COPZ1: variants seen among roughly 807,000 people sequenced by gnomAD.
COPZ1 encodes coatomer subunit zeta-1.
In COPZ1, 4 loss-of-function variants were observed where a neutral mutation model predicts 31.7. That is an observed-to-expected ratio of 0.13 (90% CI 0.06 to 0.29). The LOEUF is 0.29. COPZ1 is among the 10% of genes least tolerant of loss of function. The pLI is 1.00. For synonymous variants in COPZ1, 74 were observed against 79.0 expected, an observed-to-expected ratio of 0.94 and a Z score of 0.33; for missense variants, 156 against 211.5, an observed-to-expected ratio of 0.74 and a Z score of 1.63.
chr12:54,350,617 C>A lies in COPZ1; in HGVS notation c.*94C>A. 1 of 1,015,334 alleles carries A rather than the reference C, an allele frequency of 9.8e-7. No homozygotes were observed. Among genetic ancestry groups the A allele is most frequent in the South Asian group, 1.3e-5 (1 of 78,898 alleles). 62.9% of individuals were successfully genotyped at this position (1,015,334 alleles called of 1,614,324 possible). A position where few individuals can be genotyped will look rare whatever the true frequency, so the allele number is the denominator to read the frequency against. On this transcript the variant is annotated 3_prime_UTR_variant, in exon 9 of 9. Coordinates refer to ENST00000262061, the MANE Select transcript of COPZ1 (RefSeq NM_016057.3). ...GTTCCCCAATCGATGCTCTCAGGGT[C>A]ATCTCGGGGATCACAGGGATCCTTA...
chr12:54,335,237 A>G (rs979189577), intron 1 of COPZ1, among the ~76,000 whole-genome samples: 6 of 151,410 alleles, frequency 4.0e-5, no homozygotes, highest in African/African-American at 9.7e-5. Flanking sequence ...CTACTTAGCC[A>G]TTTGGAGCTG....
chr12:54,330,128 A>G (rs780672648), intron 1 of COPZ1, among the ~76,000 whole-genome samples: 2 of 152,160 alleles, frequency 1.3e-5, no homozygotes, highest in South Asian at 2.1e-4. Flanking sequence ...CTGTGGAGAT[A>G]TATTTCTCAG....
At chr12:54,327,365 C>T (rs922094917) in intron 1 of COPZ1, among the ~76,000 whole-genome samples, 11 of 149,682 alleles carry the variant, frequency 7.3e-5, no homozygotes, top group African/African-American at 2.5e-4. Context: ...GGTGTGATCT[C>T]ACCTCACTGC....
chr12:54,326,641 GT>G (rs1376351417), intron 1 of COPZ1, among the ~76,000 whole-genome samples: 114 of 4,058 alleles, frequency 0.028, 1 homozygote, highest in Admixed American at 0.14. Context: ...ATTTGGAGGG[GT>G]GTGTGTGTGT....
At chr12:54,344,336 T>C (rs1175248196) in intron 4 of COPZ1, among the ~76,000 whole-genome samples, 8 of 152,116 alleles carry the variant, frequency 5.3e-5, no homozygotes, top group African/African-American at 1.7e-4. Context: ...TCCCAGCACT[T>C]TGGGAGGCCG....
At chr12:54,345,335 T>C (rs1954043828) in intron 4 of COPZ1, 125 bp from the exon 5 acceptor site, 1 of 633,018 alleles carries the variant, frequency 1.6e-6, no homozygotes, top group South Asian at 2.0e-5. Flanking sequence ...ACTTCCACTT[T>C]ATGTTTTTGG....
chr12:54,327,273 A>T (rs1278087055), intron 1 of COPZ1, among the ~76,000 whole-genome samples: 1 of 147,706 alleles, frequency 6.8e-6, no homozygotes, highest in East Asian at 2.0e-4. Context: ...GGTGTGAGTC[A>T]CTGCACCCCG....
At chr12:54,340,076 T>C (rs1953947681) in intron 1 of COPZ1, among the ~76,000 whole-genome samples, 2 of 151,994 alleles carry the variant, frequency 1.3e-5, no homozygotes, top group Non-Finnish European at 2.9e-5. Context: ...GCTTGCTTTA[T>C]GCTTCTGCAT....
At chr12:54,326,637 AGG>A (rs1016122929) in intron 1 of COPZ1, among the ~76,000 whole-genome samples, 2 of 96,208 alleles carry the variant, frequency 2.1e-5, no homozygotes, top group Admixed American at 1.4e-4. Context: ...TGCGATTTGG[AGG>A]GGTGTGTGTG....
intron 4 of COPZ1, among the ~76,000 whole-genome samples, chr12:54,343,989 A>G (rs1954017186): frequency 6.6e-6 from 1 of 152,230 alleles, no homozygotes; most frequent in Non-Finnish European, 1.5e-5. Context: ...CAAACCATGA[A>G]GAACTATATG....
intron 4 of COPZ1, among the ~76,000 whole-genome samples, 164 bp from the exon 5 acceptor site, chr12:54,345,296 A>G (rs530054644): frequency 1.7e-4 from 26 of 152,348 alleles, no homozygotes; most frequent in African/African-American, 6.3e-4. Context: ...TCTGTGAGAA[A>G]TCACAGATCC....
chr12:54,329,823 G>A (rs1447193680), intron 1 of COPZ1, among the ~76,000 whole-genome samples: 1 of 152,144 alleles, frequency 6.6e-6, no homozygotes, highest in African/African-American at 2.4e-5. Flanking sequence ...TATGTATGGA[G>A]GAGGAAACTA....
In COPZ1 at chr12:54,346,082, C is replaced by T. The variant is rs575749072; in HGVS notation, c.317+567C>T. On this transcript the variant is annotated intron_variant, in intron 5 of 8. Coordinates refer to ENST00000262061, the MANE Select transcript of COPZ1 (RefSeq NM_016057.3). ...CTAAGTAAGGGGACTGGGAGGGAGC[C>T]GAATCTTTACCTCTGTGTTTACTCT... Among the ~76,000 whole-genome samples the T allele has an allele frequency of 2.6e-5, 4 of 151,942 alleles. No individual in the cohort carries two copies. The South Asian group carries it at 6.2e-4, about 24-fold the overall frequency.
chr12:54,330,075 C>T (rs1011730814), intron 1 of COPZ1, among the ~76,000 whole-genome samples: 1 of 152,092 alleles, frequency 6.6e-6, no homozygotes, highest in Non-Finnish European at 1.5e-5. Flanking sequence ...TGGTGCCTGG[C>T]CCCCTCCATT....
intron 3 of COPZ1, 196 bp downstream of exon 3, chr12:54,342,483 T>TTGGC: frequency 1.7e-6 from 1 of 578,346 alleles, no homozygotes; most frequent in South Asian, 2.1e-5. Context: ...TGCTGGAAGG[T>TTGGC]TGGCTGTTAG....
intron 5 of COPZ1, chr12:54,346,509 A>G (rs899864760): frequency 6.7e-5 from 41 of 614,946 alleles, no homozygotes; most frequent in Non-Finnish European, 9.8e-5. Flanking sequence ...CTGACCTCAA[A>G]TGATCCACCT....
intron 5 of COPZ1, chr12:54,346,614 C>A (rs962933521): frequency 1.7e-5 from 12 of 701,382 alleles, no homozygotes; most frequent in Non-Finnish European, 3.1e-5. Flanking sequence ...TTCTGTAGAA[C>A]AGGAAGCACC....
chr12:54,343,397 C>G (rs1480403590), intron 4 of COPZ1, 81 bp downstream of exon 4: 2 of 1,161,110 alleles, frequency 1.7e-6, no homozygotes, highest in Non-Finnish European at 2.6e-6. Flanking sequence ...GTTTGGGGCC[C>G]TAATAGAGCC....
intron 1 of COPZ1, among the ~76,000 whole-genome samples, chr12:54,326,184 G>A (rs34280607): frequency 1.4e-5 from 2 of 145,460 alleles, no homozygotes; most frequent in South Asian, 4.4e-4. Flanking sequence ...CTGTCGCCCA[G>A]GCTGGAGTGC....
Sources: allele counts gnomAD v4.1 joint callset (sites outside exome capture counted in the v4.1 genomes callset), GRCh38; gene constraint gnomAD v4.1.1; transcripts MANE v1.5; gene names NCBI Gene and HGNC (gene_info 2026-07-23, HGNC 2026-07-21).